The following TM4SF18 variants were observed in gnomAD, a reference collection of about 807,000 sequenced individuals.
The protein encoded by TM4SF18 is transmembrane 4 L six family member 18, also known as transmembrane 4 L6 family member 18.
Under a neutral mutation model 23.8 loss-of-function variants are expected in TM4SF18, and 22 were observed. That is an observed-to-expected ratio of 0.92 (90% CI 0.66 to 1.32). TM4SF18 has a LOEUF of 1.32. Ranked by LOEUF, TM4SF18 falls within the 40% of genes most tolerant of loss-of-function variation. The probability of loss-of-function intolerance (pLI) is 0.00; values close to 1 mark genes in which losing one functional copy is unlikely to be tolerated. For synonymous variants in TM4SF18, 87 were observed against 87.9 expected (o/e 0.99, Z 0.06); for missense variants, 255 against 240.3 (o/e 1.06, Z -0.41).
intron 4 of TM4SF18, among the ~76,000 whole-genome samples, chr3:149,323,429 A>G (rs986378350): frequency 9.2e-5 from 14 of 152,182 alleles, no homozygotes; most frequent in African/African-American, 3.4e-4. Context: ...TTCCTAGTAC[A>G]TGCTCTGCAC....
Position 149,320,110 on chromosome 3 carries a change from C to A in TM4SF18, c.*1368G>T, listed in dbSNP as rs1238282850. 2 of 152,376 alleles carry A rather than the reference C, an allele frequency of 1.3e-5. No homozygotes were observed. Among genetic ancestry groups the A allele is most frequent in the Non-Finnish European group, 2.9e-5 (2 of 68,170 alleles). 9.4% of individuals were successfully genotyped at this position (152,376 alleles called of 1,614,324 possible). ...CTCTTCCGTATCCCCCCAGCCTACT[C>A]CCTGGCTTTGGCACAGAGCAGGTGT... is the stretch of plus-strand genomic sequence containing the variant. On this transcript the variant is annotated 3_prime_UTR_variant, in exon 6 of 6. Coordinates refer to ENST00000296059, the MANE Select transcript of TM4SF18 (RefSeq NM_138786.4).
chr3:149,326,120 A>C (rs983054416), intron 3 of TM4SF18, among the ~76,000 whole-genome samples: 3 of 152,164 alleles, frequency 2.0e-5, no homozygotes, highest in African/African-American at 4.8e-5. Context: ...AAAACATTCT[A>C]TTATTTTGTA....
At position 149,319,892 on chromosome 3, in the gene TM4SF18, G is replaced by T. The variant is rs1730766469; in HGVS notation, c.*1586C>A. On this transcript the variant is annotated 3_prime_UTR_variant, in exon 6 of 6. Transcript: ENST00000296059. ...TGGACAGTGTTTTACTCCAGGCTAA[G>T]TCAGAGGCCATTAGCAAGACAATAG... is the stretch of plus-strand genomic sequence containing the variant. The T allele has an allele frequency of 6.6e-6, 1 of 152,254 alleles. No homozygotes were observed. Among genetic ancestry groups the T allele is most frequent in the Non-Finnish European group, 1.5e-5 (1 of 68,058 alleles). The allele number at this position is 152,254 out of a possible 1,614,324, so 9.4% of individuals were successfully genotyped here.
At position 149,333,273 on chromosome 3, in the gene TM4SF18, T is replaced by C. The variant is rs763404743; in HGVS notation, c.110A>G (p.Tyr37Cys). The change falls in exon 2 of 6, where the codon TAT becomes TGT. Residue 37 changes from tyrosine (Y) to cysteine (C), a missense_variant. Tyr to Cys is a radical substitution (Grantham distance 194). Transcript: ENST00000296059. ...GTTGGTGAGTTTATTGCTGGATGCATAGGAAGTTTGCCCATTCGGGAAATA... is the reference window on the plus strand; with the variant it reads ...GTTGGTGAGTTTATTGCTGGATGCACAGGAAGTTTGCCCATTCGGGAAATA... Reference protein sequence around the residue: ...LLYFPNGQTSYASSNKLTNYV... With the variant: ...LLYFPNGQTSCASSNKLTNYV... 30 of 1,613,842 alleles carry C rather than the reference T, an allele frequency of 1.9e-5. No homozygotes were observed. In the Admixed American group the frequency reaches 4.3e-4, roughly 23 times the overall value.
chr3:149,326,180 C>T (rs9861894), intron 3 of TM4SF18, among the ~76,000 whole-genome samples: 53,269 of 152,012 alleles, frequency 0.35, 9,651 homozygotes, highest in East Asian at 0.45. Context: ...ATGTACAAGA[C>T]TACATCTCTT....
At chr3:149,323,232 AT>A (rs1730856786) in intron 4 of TM4SF18, among the ~76,000 whole-genome samples, 1 of 152,168 alleles carries the variant, frequency 6.6e-6, no homozygotes, top group Non-Finnish European at 1.5e-5. Flanking sequence ...GGGTTAAAAT[AT>A]CTAACCCCAG....
chr3:149,319,912 CAAT>C lies in TM4SF18; in HGVS notation c.*1563_*1565del, dbSNP rs1308285185. ...GCTAAGTCAGAGGCCATTAGCAAGA[CAAT>C]AGGCTGCCCATGACTCTGGGGCCTG... On this transcript the variant is annotated 3_prime_UTR_variant, in exon 6 of 6. Transcript: ENST00000296059. The C allele has an allele frequency of 6.6e-6, 1 of 152,256 alleles. No homozygotes were observed. The highest frequency in any genetic ancestry group is 2.4e-5 in the African/African-American group (1 of 41,470). 9.4% of individuals were successfully genotyped at this position (152,256 alleles called of 1,614,324 possible).
At chr3:149,325,857 G>C (rs573091564) in intron 3 of TM4SF18, among the ~76,000 whole-genome samples, 17 of 152,210 alleles carry the variant, frequency 1.1e-4, no homozygotes, top group African/African-American at 3.9e-4. Flanking sequence ...CTACAAAAAA[G>C]TTGAAAGTAT....
chr3:149,328,954 G>A (rs1363339034), intron 3 of TM4SF18, among the ~76,000 whole-genome samples: 2 of 152,142 alleles, frequency 1.3e-5, no homozygotes, highest in Non-Finnish European at 2.9e-5. Context: ...ATTTGTGCTA[G>A]AAGTGCTAAT....
At chr3:149,327,111 A>C (rs547837571) in intron 3 of TM4SF18, among the ~76,000 whole-genome samples, 1 of 152,084 alleles carries the variant, frequency 6.6e-6, no homozygotes, top group African/African-American at 2.4e-5. Context: ...CGCCACGCCT[A>C]GCTCATTTTT....
At chr3:149,333,037 T>C (rs184612441) in intron 2 of TM4SF18, among the ~76,000 whole-genome samples, 169 bp downstream of exon 2, 1 of 152,294 alleles carries the variant, frequency 6.6e-6, no homozygotes. Flanking sequence ...AACAGAGCTA[T>C]GTCCCAAATG....
rs138157473 is a variant in TM4SF18 at position 149,319,704 on chromosome 3, A to G, written c.*1774T>C. The G allele has an allele frequency of 6.6e-6, 1 of 152,346 alleles. No individual in the cohort carries two copies. The highest frequency in any genetic ancestry group is 2.4e-5 in the African/African-American group (1 of 41,580). 9.4% of individuals were successfully genotyped at this position (152,346 alleles called of 1,614,324 possible). On this transcript the variant is annotated 3_prime_UTR_variant, in exon 6 of 6. Transcript: ENST00000296059. ...GAGCTTTTGGAGTAGAAGTTCATGT[A>G]TCTTCCTTTTAATATGATACCATTA... is the stretch of plus-strand genomic sequence containing the variant.
chr3:149,331,878 A>T (rs1731093524), intron 2 of TM4SF18, among the ~76,000 whole-genome samples: 1 of 152,330 alleles, frequency 6.6e-6, no homozygotes, highest in South Asian at 2.1e-4. Context: ...TTACATCTTC[A>T]TAATTATAAT....
chr3:149,324,816 C>A lies in TM4SF18; in HGVS notation c.410+64G>T, dbSNP rs959757184. ...AGTGATCATGGAAAATGAGCGTGAGCTTGAGCATGAGGCAAGGTGTTTCTG... is the reference window on the plus strand; with the variant it reads ...AGTGATCATGGAAAATGAGCGTGAGATTGAGCATGAGGCAAGGTGTTTCTG... On this transcript the variant is annotated intron_variant, in intron 4 of 5. Transcript: ENST00000296059. 54 of 1,601,098 alleles carry A rather than the reference C, an allele frequency of 3.4e-5. No homozygotes were observed. In the Middle Eastern group the frequency reaches 1.2e-3, roughly 34 times the overall value.
intron 3 of TM4SF18, among the ~76,000 whole-genome samples, chr3:149,326,030 GT>G (rs1166754713): frequency 6.6e-6 from 1 of 151,854 alleles, no homozygotes; most frequent in African/African-American, 2.4e-5. Context: ...TTTATTATGT[GT>G]TTTTGTTACT....
At chr3:149,330,782 A>G (rs1731070830) in intron 2 of TM4SF18, among the ~76,000 whole-genome samples, 1 of 152,170 alleles carries the variant, frequency 6.6e-6, no homozygotes, top group African/African-American at 2.4e-5. Flanking sequence ...TCAATGACTC[A>G]GTTGTGGAGA....
Position 149,322,464 on chromosome 3 carries a change from A to T in TM4SF18, c.411-28T>A, listed in dbSNP as rs200084806. On this transcript the variant is annotated intron_variant, in intron 4 of 5. Coordinates refer to ENST00000296059, the MANE Select transcript of TM4SF18 (RefSeq NM_138786.4). ...GAGAGAGACCCATGGCCAAATCTAC[A>T]TACTGGGTCCAAGGAAGAAAGCTAC... 162 of 1,594,998 alleles carry T rather than the reference A, an allele frequency of 1.0e-4. No homozygotes were observed. The African/African-American group carries it at 1.8e-3, about 18-fold the overall frequency.
In TM4SF18 at chr3:149,322,441, G is replaced by T; in HGVS notation, c.411-5C>A. 6.2e-7 allele frequency: 1 copy of T among 1,611,200 alleles called. No individual in the cohort carries two copies. Among genetic ancestry groups the T allele is most frequent in the South Asian group, 1.1e-5 (1 of 90,448 alleles). On this transcript the variant is annotated splice_region_variant and splice_polypyrimidine_tract_variant and intron_variant, in intron 4 of 5. Transcript: ENST00000296059. ...ATGCTAGAATCTGTAAGGAAACTGAGAGAGACCCATGGCCAAATCTACATA... is the reference window on the plus strand; with the variant it reads ...ATGCTAGAATCTGTAAGGAAACTGATAGAGACCCATGGCCAAATCTACATA...
chr3:149,330,474 CT>C, intron 2 of TM4SF18, 55 bp from the exon 3 acceptor site: 1 of 1,253,570 alleles, frequency 8.0e-7, no homozygotes, highest in Non-Finnish European at 1.1e-6. Flanking sequence ...TACATTTGTG[CT>C]TATAATCAGA....
Sources: allele counts gnomAD v4.1 joint callset (sites outside exome capture counted in the v4.1 genomes callset), GRCh38; gene constraint gnomAD v4.1.1; transcripts MANE v1.5; gene names NCBI Gene and HGNC (gene_info 2026-07-23, HGNC 2026-07-21).